The following TRAP1 variants were observed in gnomAD, a reference collection of about 807,000 sequenced individuals.
TRAP1 encodes the protein TNF receptor associated protein 1.
In TRAP1, 102 loss-of-function variants were observed where a neutral mutation model predicts 89.1. The ratio of observed to expected loss-of-function variants is 1.15; its 90% CI spans 0.98 to 1.35. TRAP1 has a LOEUF of 1.35. TRAP1 is among the 40% of genes most tolerant of loss of function. The pLI, the probability that TRAP1 is intolerant of heterozygous loss-of-function variation, is 0.00. For missense variants in TRAP1, 1,256 were observed against 945.3 expected, an observed-to-expected ratio of 1.33 and a Z score of -4.31; for synonymous variants, 508 against 388.0, an observed-to-expected ratio of 1.31 and a Z score of -3.64.
chr16:3,674,348 C>T lies in TRAP1; in HGVS notation c.1035G>A (p.Val345=), dbSNP rs754588824. 6.8e-6 allele frequency: 11 copies of T among 1,613,824 alleles called. No individual in the cohort carries two copies. The highest frequency in any genetic ancestry group is 9.3e-6 in the Non-Finnish European group (11 of 1,180,008). The change falls in exon 9 of 18, where the codon GTG becomes GTA. Residue 345 remains valine (V), a synonymous_variant. Coordinates refer to ENST00000246957, the MANE Select transcript of TRAP1 (RefSeq NM_016292.3). ...APLNIRSIFY[V]PDMKPSMFDV... is the part of the protein sequence containing the mutation. ...TGCCACAGTGCCTCACCATGTCGGG[C>T]ACGTAGAAGATGCTGCGGATGTTGA... is the stretch of plus-strand genomic sequence containing the variant.
chr16:3,674,400 G>C lies in TRAP1; in HGVS notation c.983C>G (p.Thr328Ser), dbSNP rs752260447. The C allele has an allele frequency of 1.9e-6, 3 of 1,614,158 alleles. No individual in the cohort carries two copies. Among genetic ancestry groups the C allele is most frequent in the East Asian group, 2.2e-5 (1 of 44,880 alleles). The change falls in exon 9 of 18, where the codon ACC (threonine) becomes AGC (serine). Residue 328 changes from threonine (T) to serine (S), a missense_variant. Coordinates refer to ENST00000246957, the MANE Select transcript of TRAP1 (RefSeq NM_016292.3). Reference protein sequence around the residue: ...VAQAHDKPRYTLHYKTDAPLN... With the variant: ...VAQAHDKPRYSLHYKTDAPLN... ...CGGTGCGTCCGTCTTATAGTGCAGG[G>C]TGTAGCGGGGCTTGTCGTGAGCCTG... is the stretch of plus-strand genomic sequence containing the variant.
Position 3,677,790 on chromosome 16 carries a change from C to T in TRAP1, c.544-132G>A. 3 of 1,065,926 alleles carry T rather than the reference C, an allele frequency of 2.8e-6. No individual in the cohort carries two copies. In the South Asian group the frequency reaches 4.9e-5, roughly 17 times the overall value. The allele number at this position is 1,065,926 out of a possible 1,614,324, so 66.0% of individuals were successfully genotyped here. ...ACAGCCACACCGAGTACTTTTCCAC[C>T]CCATTCTACACGTGAAGAGCTAAGT... On this transcript the variant is annotated intron_variant, in intron 5 of 17. Transcript: ENST00000246957.
chr16:3,692,461 G>C (rs1324557995), intron 1 of TRAP1, among the ~76,000 whole-genome samples: 3 of 151,292 alleles, frequency 2.0e-5, no homozygotes, highest in Admixed American at 2.0e-4. Context: ...GCTTGAACTT[G>C]GGAAGTGGAG....
intron 1 of TRAP1, among the ~76,000 whole-genome samples, chr16:3,700,267 A>G (rs2051347901): frequency 6.6e-6 from 1 of 151,508 alleles, no homozygotes; most frequent in South Asian, 2.1e-4. Flanking sequence ...TCCCGGGTTC[A>G]AGCGATTCTC....
chr16:3,666,187 A>G, intron 11 of TRAP1, 69 bp from the exon 12 acceptor site: 1 of 1,533,416 alleles, frequency 6.5e-7, no homozygotes, highest in Non-Finnish European at 8.8e-7. Context: ...AGAGGGTACG[A>G]AAAAATGTTC....
chr16:3,692,822 C>A (rs1368889669), intron 1 of TRAP1, among the ~76,000 whole-genome samples: 1 of 151,944 alleles, frequency 6.6e-6, no homozygotes, highest in Non-Finnish European at 1.5e-5. Context: ...TGGTCTCGAA[C>A]TCTTGACCTC....
At chr16:3,706,481 G>C (rs1251192929) in intron 1 of TRAP1, among the ~76,000 whole-genome samples, 1 of 113,026 alleles carries the variant, frequency 8.8e-6, no homozygotes, top group African/African-American at 3.4e-5. Flanking sequence ...TTTTTTTTGA[G>C]ATAGGTTCTT....
At chr16:3,684,093 G>A (rs1037218194) in intron 4 of TRAP1, among the ~76,000 whole-genome samples, 1 of 152,010 alleles carries the variant, frequency 6.6e-6, no homozygotes, top group South Asian at 2.1e-4. Context: ...TTAAATCCGG[G>A]GGGCAGAGGC....
intron 3 of TRAP1, 71 bp from the exon 4 acceptor site, chr16:3,686,207 C>A (rs368497008): frequency 1.3e-6 from 2 of 1,535,002 alleles, no homozygotes; most frequent in South Asian, 1.2e-5. Flanking sequence ...TGGTCAGCTG[C>A]ACTTCCAATA....
At chr16:3,658,543 C>T (rs1181532400) in intron 17 of TRAP1, 6 of 573,214 alleles carry the variant, frequency 1.0e-5, no homozygotes, top group African/African-American at 3.8e-5. Context: ...TAGCCAGGCG[C>T]ATGCCTGTAG....
At chr16:3,691,395 A>C (rs72778152) in intron 1 of TRAP1, among the ~76,000 whole-genome samples, 4 of 151,998 alleles carry the variant, frequency 2.6e-5, no homozygotes, top group Non-Finnish European at 5.9e-5. Flanking sequence ...TTTTTAAAAA[A>C]TTTTTTGTAG....
At chr16:3,701,721 T>A (rs752184750) in intron 1 of TRAP1, among the ~76,000 whole-genome samples, 1 of 152,066 alleles carries the variant, frequency 6.6e-6, no homozygotes, top group Non-Finnish European at 1.5e-5. Context: ...GAAGGGTGCG[T>A]CCCTGAGGGA....
At chr16:3,710,357 AAG>A (rs1327955060) in intron 1 of TRAP1, 1 of 152,230 alleles carries the variant, frequency 6.6e-6, no homozygotes, top group Non-Finnish European at 1.5e-5. Context: ...AGGCCACAGT[AAG>A]AGAGGCCAAA....
chr16:3,697,897 T>A (rs1339323223), intron 1 of TRAP1, among the ~76,000 whole-genome samples: 1 of 151,228 alleles, frequency 6.6e-6, no homozygotes, highest in Non-Finnish European at 1.5e-5. Flanking sequence ...CAAGCAATTC[T>A]CCTGCCTCAG....
chr16:3,661,219 A>C (rs1366213918), intron 16 of TRAP1: 1 of 152,234 alleles, frequency 6.6e-6, no homozygotes, highest in African/African-American at 2.4e-5. Flanking sequence ...TAAAGACCTA[A>C]ATAGATCACA....
intron 1 of TRAP1, among the ~76,000 whole-genome samples, chr16:3,707,608 C>A (rs2051466563): frequency 6.6e-6 from 1 of 151,360 alleles, no homozygotes. Flanking sequence ...AATCCCAGCA[C>A]TTTGGGAGGC....
intron 1 of TRAP1, among the ~76,000 whole-genome samples, chr16:3,711,847 T>C (rs1480683647): frequency 6.6e-6 from 1 of 152,112 alleles, no homozygotes; most frequent in Non-Finnish European, 1.5e-5. Flanking sequence ...AGGTCTTCAG[T>C]AGGACTAAGC....
intron 1 of TRAP1, among the ~76,000 whole-genome samples, chr16:3,693,793 G>A (rs2051248923): frequency 6.6e-6 from 1 of 152,050 alleles, no homozygotes; most frequent in Non-Finnish European, 1.5e-5. Context: ...AGGGGTTTAA[G>A]ACCAGCCTGG....
intron 1 of TRAP1, among the ~76,000 whole-genome samples, chr16:3,712,028 T>C (rs991543424): frequency 6.6e-6 from 1 of 152,020 alleles, no homozygotes; most frequent in African/African-American, 2.4e-5. Context: ...TGGTAGCTCA[T>C]GTCTGTAATC....
Sources: gnomAD v4.1 joint callset for allele counts (sites outside exome capture counted in the v4.1 genomes callset) on GRCh38, gnomAD v4.1.1 for gene constraint, MANE v1.5 for transcripts, NCBI Gene and HGNC (gene_info 2026-07-23, HGNC 2026-07-21) for gene names.